Variants in LRRC40 observed in about 807,000 individuals in gnomAD.
LRRC40 encodes the protein leucine rich repeat containing 40, also known as leucine-rich repeat-containing protein 40.
Under a neutral mutation model 72.8 loss-of-function variants are expected in LRRC40, and 76 were observed. That is an observed-to-expected ratio of 1.04 (90% CI 0.87 to 1.26). The LOEUF is 1.26. LRRC40 is among the 50% of genes most tolerant of loss of function. The pLI is 0.00. For missense variants in LRRC40, 684 were observed against 698.9 expected, an observed-to-expected ratio of 0.98 and a Z score of 0.24; for synonymous variants, 243 against 254.2, an observed-to-expected ratio of 0.96 and a Z score of 0.42.
intron 1 of LRRC40, among the ~76,000 whole-genome samples, chr1:70,193,629 G>C (rs1014267952): frequency 6.6e-6 from 1 of 151,978 alleles, no homozygotes; most frequent in Non-Finnish European, 1.5e-5. Flanking sequence ...TTACTCTGAT[G>C]CCAAAAGCAG....
At chr1:70,181,545 T>C (rs981862354) in intron 4 of LRRC40, among the ~76,000 whole-genome samples, 1 of 152,110 alleles carries the variant, frequency 6.6e-6, no homozygotes, top group African/African-American at 2.4e-5. Context: ...AATTCATGTA[T>C]TCATCCAATA....
chr1:70,182,880 A>G (rs1668277395), intron 4 of LRRC40, among the ~76,000 whole-genome samples: 2 of 152,156 alleles, frequency 1.3e-5, no homozygotes, highest in South Asian at 4.1e-4. Context: ...ACATTCTTTC[A>G]TTATGTAAAC....
At chr1:70,164,695 T>A (rs1166738028) in intron 9 of LRRC40, among the ~76,000 whole-genome samples, 1 of 152,188 alleles carries the variant, frequency 6.6e-6, no homozygotes, top group Non-Finnish European at 1.5e-5. Context: ...ATGCTCTTCT[T>A]ACAAGGGTCT....
At chr1:70,183,636 C>T (rs1209497425) in intron 4 of LRRC40, among the ~76,000 whole-genome samples, 1 of 152,024 alleles carries the variant, frequency 6.6e-6, no homozygotes, top group Non-Finnish European at 1.5e-5. Context: ...ACTAAAGCCT[C>T]AGCCTCCCTG....
chr1:70,183,151 C>T (rs1381663623), intron 4 of LRRC40, among the ~76,000 whole-genome samples: 1 of 152,070 alleles, frequency 6.6e-6, no homozygotes, highest in Non-Finnish European at 1.5e-5. Context: ...CTTTTAAACT[C>T]TAGAACAAAT....
chr1:70,163,547 C>T (rs1667811806), intron 9 of LRRC40, among the ~76,000 whole-genome samples: 1 of 152,164 alleles, frequency 6.6e-6, no homozygotes, highest in Non-Finnish European at 1.5e-5. Flanking sequence ...CTTCTCTCTT[C>T]TACTTTTAAG....
At chr1:70,181,038 T>C (rs771661019) in intron 5 of LRRC40, 48 bp downstream of exon 5, 1 of 1,291,102 alleles carries the variant, frequency 7.7e-7, no homozygotes, top group East Asian at 2.5e-5. Flanking sequence ...TAAATGTAAG[T>C]TGCACCAACT....
chr1:70,166,845 G>A (rs980379317), intron 9 of LRRC40, among the ~76,000 whole-genome samples: 9 of 151,432 alleles, frequency 5.9e-5, no homozygotes, highest in African/African-American at 2.2e-4. Flanking sequence ...TTTTTGGCTT[G>A]GTTTTCCCTT....
chr1:70,156,267 C>G (rs1332307208), intron 10 of LRRC40, among the ~76,000 whole-genome samples: 2 of 152,018 alleles, frequency 1.3e-5, no homozygotes, highest in African/African-American at 4.8e-5. Flanking sequence ...ACTAAACTAA[C>G]TAAAATTAGT....
At chr1:70,181,248 TA>T (rs756223654) in intron 4 of LRRC40, 39 bp from the exon 5 acceptor site, 4 of 1,263,756 alleles carry the variant, frequency 3.2e-6, no homozygotes, top group Middle Eastern at 2.3e-4. Flanking sequence ...AATAAACAAG[TA>T]AAAAAATAAA....
At chr1:70,188,649 T>G (rs1465237442) in intron 2 of LRRC40, among the ~76,000 whole-genome samples, 1 of 152,052 alleles carries the variant, frequency 6.6e-6, no homozygotes, top group Non-Finnish European at 1.5e-5. Context: ...GGCAGGAGAA[T>G]TGCTGGAGTC....
chr1:70,205,565 T>G lies in LRRC40; in HGVS notation c.-25A>C, dbSNP rs771437135. The G allele has an allele frequency of 2.6e-6, 4 of 1,567,846 alleles. No homozygotes were observed. Among genetic ancestry groups the G allele is most frequent in the Non-Finnish European group, 2.6e-6 (3 of 1,145,606 alleles). ...TGTTCAAAGTCCTAGGTCCAGAAGC[T>G]GCAGCCCCACCCGTGACGCTTAAAG... On this transcript the variant is annotated 5_prime_UTR_variant, in exon 1 of 15. Coordinates refer to ENST00000370952, the MANE Select transcript of LRRC40 (RefSeq NM_017768.5).
rs140494427 is a variant in LRRC40 at position 70,153,172 on chromosome 1, C to A, written c.1329-629G>T. On this transcript the variant is annotated intron_variant, in intron 11 of 14. Transcript: ENST00000370952. ...GGTCAGGAGTTCAAGACCAGCTTGG[C>A]CAACATGGTGAAACTCCGCCTCTAC... Among the ~76,000 whole-genome samples, 1,246 of 152,068 alleles carry A rather than the reference C, an allele frequency of 8.2e-3. 17 individuals carry two copies. Among genetic ancestry groups the A allele is most frequent in the African/African-American group, 0.029 (1,188 of 41,482 alleles).
intron 9 of LRRC40, among the ~76,000 whole-genome samples, chr1:70,166,741 T>G (rs1202927873): frequency 2.0e-5 from 3 of 152,040 alleles, no homozygotes; most frequent in African/African-American, 7.2e-5. Context: ...TATATTGAGA[T>G]ATTCCTCTTT....
At chr1:70,172,260 T>G (rs1194926391) in intron 9 of LRRC40, among the ~76,000 whole-genome samples, 1 of 152,178 alleles carries the variant, frequency 6.6e-6, no homozygotes, top group South Asian at 2.1e-4. Context: ...GAGCAATAAA[T>G]TTCTGTTATT....
At chr1:70,196,981 C>T (rs1263799294) in intron 1 of LRRC40, among the ~76,000 whole-genome samples, 1 of 152,158 alleles carries the variant, frequency 6.6e-6, no homozygotes, top group Non-Finnish European at 1.5e-5. Flanking sequence ...AAAATATACA[C>T]ATATAACATA....
chr1:70,168,760 AT>A (rs1409617242), intron 9 of LRRC40, among the ~76,000 whole-genome samples: 2 of 152,138 alleles, frequency 1.3e-5, no homozygotes, highest in Non-Finnish European at 2.9e-5. Context: ...GACTCAAAAC[AT>A]TTTTTTATGT....
At chr1:70,164,621 A>T (rs981668767) in intron 9 of LRRC40, among the ~76,000 whole-genome samples, 1 of 152,126 alleles carries the variant, frequency 6.6e-6, no homozygotes, top group Non-Finnish European at 1.5e-5. Context: ...CCACTGGAAC[A>T]TATCTCCCGC....
At chr1:70,178,761 C>A in intron 6 of LRRC40, 90 bp downstream of exon 6, 1 of 755,730 alleles carries the variant, frequency 1.3e-6, no homozygotes, top group Non-Finnish European at 2.0e-6. Flanking sequence ...TACACACTCC[C>A]AATGTAAAAC....
Sources: gnomAD v4.1 joint callset for allele counts (sites outside exome capture counted in the v4.1 genomes callset) on GRCh38, gnomAD v4.1.1 for gene constraint, MANE v1.5 for transcripts, NCBI Gene and HGNC (gene_info 2026-07-23, HGNC 2026-07-21) for gene names.